Variants in NCOR2 observed in about 807,000 individuals in gnomAD.
The protein encoded by NCOR2 is nuclear receptor corepressor 2.
Under a neutral mutation model 262.9 loss-of-function variants are expected in NCOR2, and 81 were observed. The observed-to-expected ratio is 0.31, with a 90% CI of 0.26 to 0.37. The LOEUF (loss-of-function observed/expected upper bound fraction) is 0.37. Ranked by LOEUF, NCOR2 falls within the 10% of genes least tolerant of loss-of-function variation. The pLI, the probability that NCOR2 is intolerant of heterozygous loss-of-function variation, is 1.00. For missense variants in NCOR2, 3,385 were observed against 3,621.4 expected, an observed-to-expected ratio of 0.93 and a Z score of 1.68; for synonymous variants, 1,659 against 1,559.3, an observed-to-expected ratio of 1.06 and a Z score of -1.51.
At chr12:124,529,730 C>A (rs2050685619) in intron 1 of NCOR2, 1 of 152,240 alleles carries the variant, frequency 6.6e-6, no homozygotes, top group Non-Finnish European at 1.5e-5. Context: ...CACAGCTTTG[C>A]CCAAAAGGCA....
chr12:124,493,485 A>G (rs2048205126), intron 1 of NCOR2, among the ~76,000 whole-genome samples: 3 of 152,022 alleles, frequency 2.0e-5, no homozygotes, highest in Admixed American at 2.0e-4. Flanking sequence ...TACTCTCAGT[A>G]CCCCCACTTT....
chr12:124,560,356 T>C (rs2052028115), intron 1 of NCOR2, among the ~76,000 whole-genome samples: 1 of 152,244 alleles, frequency 6.6e-6, no homozygotes, highest in South Asian at 2.1e-4. Context: ...AAACTTTATT[T>C]ATGGACACCG....
chr12:124,340,147 G>C (rs1289753382), exon 37 of NCOR2: 1 of 1,601,670 alleles, frequency 6.2e-7, no homozygotes, highest in African/African-American at 1.4e-5. Flanking sequence ...GGAGTGGGAG[G>C]CGGGGCGGCT....
chr12:124,483,045 G>T lies in NCOR2; in HGVS notation c.411+551C>A, dbSNP rs995100151. Among the ~76,000 whole-genome samples the T allele has an allele frequency of 1.3e-5, 2 of 151,914 alleles. No individual in the cohort carries two copies. The highest frequency in any genetic ancestry group is 4.8e-5 in the African/African-American group (2 of 41,320). ...CCTTAAGAATCCAGAAGCCTCAGGT[G>T]CCTGGCAGAGCCCTGAGCTGTCCAC... On this transcript the variant is annotated intron_variant, in intron 3 of 46. Coordinates refer to ENST00000405201, the Ensembl canonical transcript of NCOR2. The surrounding 1 kb of genome is among the most constrained non-coding windows in gnomAD (Gnocchi z 6.3).
At chr12:124,435,444 A>G (rs1449203050) in intron 8 of NCOR2, among the ~76,000 whole-genome samples, 3 of 152,192 alleles carry the variant, frequency 2.0e-5, no homozygotes, top group African/African-American at 7.2e-5. Flanking sequence ...ACCTCTCCTC[A>G]CCTATGAGCA....
At chr12:124,489,834 AT>A (rs1376130926) in intron 1 of NCOR2, among the ~76,000 whole-genome samples, 1 of 152,022 alleles carries the variant, frequency 6.6e-6, no homozygotes, top group Non-Finnish European at 1.5e-5. Flanking sequence ...AAGGGGCTAG[AT>A]GCGGGGGGAT....
rs186999647 is a variant in NCOR2 at position 124,332,244 on chromosome 12, C to T, written c.6904+75G>A. The T allele has an allele frequency of 1.3e-3, 2,114 of 1,570,102 alleles. 31 individuals carry two copies. The African/African-American group carries it at 0.025, about 19-fold the overall frequency. ...TGCACCGTGGGTTTCTGCCACTGGG[C>T]GGCTCCAGCTGCCCAGGCAGGCCAC... is the stretch of plus-strand genomic sequence containing the variant. On this transcript the variant is annotated intron_variant, in intron 43 of 46. Transcript: ENST00000405201.
In NCOR2 at chr12:124,327,651, A is replaced by G. The variant is rs745860683; in HGVS notation, c.6959-18T>C. ...CATAAGGCCTGGGAGAGAGAGACAGACAGACAGACAGACACATGGGGGCCG... is the reference window on the plus strand; with the variant it reads ...CATAAGGCCTGGGAGAGAGAGACAGGCAGACAGACAGACACATGGGGGCCG... On this transcript the variant is annotated intron_variant, in intron 44 of 46. Transcript: ENST00000405201. The G allele has an allele frequency of 8.8e-6, 14 of 1,586,976 alleles. No homozygotes were observed.
At chr12:124,484,945 G>A (rs1453257303) in intron 2 of NCOR2, among the ~76,000 whole-genome samples, 2 of 152,190 alleles carry the variant, frequency 1.3e-5, no homozygotes, top group African/African-American at 2.4e-5. Flanking sequence ...GGCTGGGGCC[G>A]TGTTGCTGGC....
chr12:124,357,143 G>A (rs1050376175), intron 22 of NCOR2, among the ~76,000 whole-genome samples: 3 of 152,196 alleles, frequency 2.0e-5, no homozygotes, highest in African/African-American at 7.2e-5. Flanking sequence ...ATCTCAGAGG[G>A]TCTGTCTGCC....
At chr12:124,449,640 C>T (rs553272520) in intron 7 of NCOR2, among the ~76,000 whole-genome samples, 175 bp downstream of exon 9, 43 of 152,130 alleles carry the variant, frequency 2.8e-4, no homozygotes, top group African/African-American at 1.0e-3. Flanking sequence ...TGCTCCCCAC[C>T]CCCACCCCAG....
intron 1 of NCOR2, among the ~76,000 whole-genome samples, chr12:124,555,229 C>T (rs1232853272): frequency 6.6e-6 from 1 of 152,216 alleles, no homozygotes; most frequent in African/African-American, 2.4e-5. Flanking sequence ...CTGCATCCTA[C>T]CAGCTCAGGG....
intron 1 of NCOR2, among the ~76,000 whole-genome samples, chr12:124,487,665 G>T (rs550224082): frequency 1.1e-4 from 17 of 152,362 alleles, no homozygotes; most frequent in Admixed American, 7.8e-4. Flanking sequence ...GCCGTATTTG[G>T]CGCTGAGCCT....
At chr12:124,398,845 C>A (rs2041838858) in intron 15 of NCOR2, among the ~76,000 whole-genome samples, 1 of 152,234 alleles carries the variant, frequency 6.6e-6, no homozygotes, top group East Asian at 1.9e-4. Flanking sequence ...CCCACTCATC[C>A]AGGACAAGGA....
At position 124,523,120 on chromosome 12, in the gene NCOR2, T is replaced by G. The variant is rs113484291; in HGVS notation, c.-118+12445A>C. On this transcript the variant is annotated intron_variant, in intron 1 of 46. Coordinates refer to the NCOR2 transcript ENST00000404621. The surrounding 1 kb of genome is among the most constrained non-coding windows in gnomAD (Gnocchi z 4.0). ...GCATCAAAATGAAGCCCTGACCACG[T>G]TGGCTAAGGGAAGCCAACGGTACTC... is the stretch of plus-strand genomic sequence containing the variant. 0.037 allele frequency among the ~76,000 whole-genome samples: 5,636 copies of G among 152,280 alleles called. 324 individuals carry two copies. The highest frequency in any genetic ancestry group is 0.13 in the African/African-American group (5,265 of 41,540).
At position 124,517,232 on chromosome 12, in the gene NCOR2, A is replaced by C. The variant is rs1011181486; in HGVS notation, c.-118+18333T>G. 7.2e-5 allele frequency among the ~76,000 whole-genome samples: 11 copies of C among 152,136 alleles called. No homozygotes were observed. The highest frequency in any genetic ancestry group is 6.5e-4 in the Admixed American group (10 of 15,280). Reference sequence around the variant, plus strand: ...AAACCCAGGTCTGTGGCAAAGGAGCAACATTGCCTGGAAGCCCAGCCCCCT... The same window carrying C: ...AAACCCAGGTCTGTGGCAAAGGAGCCACATTGCCTGGAAGCCCAGCCCCCT... On this transcript the variant is annotated intron_variant, in intron 1 of 46. Transcript: ENST00000404621. The surrounding 1 kb of genome is among the most constrained non-coding windows in gnomAD (Gnocchi z 7.6).
rs1195842348 is a variant in NCOR2, at chr12:124,531,821, C to T, written c.-118+3744G>A. On this transcript the variant is annotated intron_variant, in intron 1 of 46. Coordinates refer to the NCOR2 transcript ENST00000404621. This position sits in a 1 kb window ranked among gnomAD's most constrained non-coding sequence, Gnocchi z 4.5. ...TCACCCGCCCAGGGTACCCCGAGAC[C>T]CCAGCCCCCACCCACACCGGACCCC... 6.6e-6 allele frequency among the ~76,000 whole-genome samples: 1 copy of T among 151,874 alleles called. No homozygotes were observed. Among genetic ancestry groups the T allele is most frequent in the African/African-American group, 2.4e-5 (1 of 41,324 alleles).
chr12:124,565,041 G>C (rs1422137582), intron 1 of NCOR2, among the ~76,000 whole-genome samples: 1 of 152,070 alleles, frequency 6.6e-6, no homozygotes, highest in South Asian at 2.1e-4. Context: ...TGGGGAAAAA[G>C]AACAGATTAT....
rs897777407 is a variant in NCOR2 at position 124,503,103 on chromosome 12, C to T, written c.-117-7735G>A. ...GCCACCCACAAGGGTGCGGTCTGCC[C>T]TCCAGCTGAGACCAGGCAAGCCAAA... is the stretch of plus-strand genomic sequence containing the variant. On this transcript the variant is annotated intron_variant, in intron 1 of 46. Coordinates refer to the NCOR2 transcript ENST00000404621. The surrounding 1 kb of genome is among the most constrained non-coding windows in gnomAD (Gnocchi z 4.3). Among the ~76,000 whole-genome samples, 3 of 152,240 alleles carry T rather than the reference C, an allele frequency of 2.0e-5. No homozygotes were observed. The highest frequency in any genetic ancestry group is 7.2e-5 in the African/African-American group (3 of 41,462).
Sources: allele counts gnomAD v4.1 joint callset (sites outside exome capture counted in the v4.1 genomes callset), GRCh38; gene constraint gnomAD v4.1.1; non-coding constraint Gnocchi (gnomAD v3.1); transcripts MANE v1.5; gene names NCBI Gene and HGNC (gene_info 2026-07-23, HGNC 2026-07-21).